Variants in RBM19 observed in about 807,000 individuals in gnomAD.
The protein encoded by RBM19 is probable RNA-binding protein 19.
Under a neutral mutation model 116.8 loss-of-function variants are expected in RBM19, and 94 were observed. The observed-to-expected ratio is 0.80, with a 90% CI of 0.68 to 0.95. The LOEUF (loss-of-function observed/expected upper bound fraction) is 0.95. Among genes scored for constraint, RBM19 ranks in the 40% least tolerant of loss-of-function variants. The pLI, the probability that RBM19 is intolerant of heterozygous loss-of-function variation, is 0.00. For missense variants in RBM19, 1,161 were observed against 1,220.7 expected, an observed-to-expected ratio of 0.95 and a Z score of 0.73; for synonymous variants, 475 against 494.1, an observed-to-expected ratio of 0.96 and a Z score of 0.51.
In RBM19 at chr12:113,928,641, G is replaced by GTGTGTT. The variant is rs529465005; in HGVS notation, c.2069-1413_2069-1412insAACACA. 1.4e-3 allele frequency among the ~76,000 whole-genome samples: 214 copies of GTGTGTT among 150,040 alleles called. 5 individuals are homozygous for GTGTGTT. In the East Asian group the frequency reaches 0.034, roughly 24 times the overall value. On this transcript the variant is annotated intron_variant, in intron 16 of 23. Coordinates refer to ENST00000261741, the MANE Select transcript of RBM19 (RefSeq NM_016196.4). ...TAGCAAGGGATGTGTGTGTGTGTGT[G>GTGTGTT]TGTGTGTGTGTGTGTGTGTGTCTGC...
intron 1 of RBM19, among the ~76,000 whole-genome samples, chr12:113,963,913 C>T (rs1028732752): frequency 6.6e-6 from 1 of 152,250 alleles, no homozygotes; most frequent in Non-Finnish European, 1.5e-5. Context: ...CAGGCCCTGG[C>T]TAACTCCTCA....
chr12:113,875,391 AG>A (rs1879596320), intron 21 of RBM19, among the ~76,000 whole-genome samples: 1 of 152,226 alleles, frequency 6.6e-6, no homozygotes, highest in Non-Finnish European at 1.5e-5. Context: ...CAATTACAAA[AG>A]TTTAGAATTG....
At chr12:113,819,222 C>A (rs1488715021), downstream of RBM19, among the ~76,000 whole-genome samples, 1 of 152,214 alleles carries the variant, frequency 6.6e-6, no homozygotes, top group Non-Finnish European at 1.5e-5. Flanking sequence ...GCTAACTGAG[C>A]CACACTCTGA....
At chr12:113,826,273 T>C (rs1240500137) in intron 23 of RBM19, among the ~76,000 whole-genome samples, 1 of 152,240 alleles carries the variant, frequency 6.6e-6, no homozygotes, top group Admixed American at 6.5e-5. Context: ...GTTTCCACTT[T>C]ATTATCTGTC....
At chr12:113,881,652 TGGAAGAC>T (rs761545119) in intron 21 of RBM19, among the ~76,000 whole-genome samples, 8 of 152,230 alleles carry the variant, frequency 5.3e-5, no homozygotes, top group Non-Finnish European at 1.2e-4. Context: ...GCCCATTTCA[TGGAAGAC>T]GAAACTACGG....
In RBM19 at chr12:113,944,117, T is replaced by TG. The variant is rs1555245462; in HGVS notation, c.1627-1684dup. ...TGTTTTTTTTTTTTTTTTTTTTTTT[T>TG]GGGGCAGACTCTCGCTCTGTCACCT... is the stretch of plus-strand genomic sequence containing the variant. On this transcript the variant is annotated intron_variant, in intron 13 of 23. Coordinates refer to ENST00000261741, the MANE Select transcript of RBM19 (RefSeq NM_016196.4). Among the ~76,000 whole-genome samples the TG allele has an allele frequency of 2.5e-3, 255 of 102,552 alleles. 17 individuals are homozygous for TG. Among genetic ancestry groups the TG allele is most frequent in the East Asian group, 0.024 (46 of 1,884 alleles). The allele number at this position is 102,552 out of a possible 152,430, so 67.3% of individuals were successfully genotyped here.
chr12:113,939,896 T>A, intron 15 of RBM19, 64 bp downstream of exon 15: 1 of 1,553,160 alleles, frequency 6.4e-7, no homozygotes, highest in Non-Finnish European at 8.8e-7. Context: ...CACTGCACCC[T>A]CTCCCTTGAA....
At chr12:113,950,535 C>T (rs1871382167) in intron 8 of RBM19, among the ~76,000 whole-genome samples, 1 of 152,140 alleles carries the variant, frequency 6.6e-6, no homozygotes, top group African/African-American at 2.4e-5. Context: ...AGCACCTTCT[C>T]CACACCCACT....
At chr12:113,880,398 T>C (rs1880019466) in intron 21 of RBM19, among the ~76,000 whole-genome samples, 1 of 152,134 alleles carries the variant, frequency 6.6e-6, no homozygotes, top group Non-Finnish European at 1.5e-5. Flanking sequence ...TAAAGATCCA[T>C]TCGGTAAGTA....
intron 21 of RBM19, among the ~76,000 whole-genome samples, chr12:113,869,375 G>T (rs564746187): frequency 1.3e-5 from 2 of 152,316 alleles, no homozygotes; most frequent in Admixed American, 1.3e-4. Flanking sequence ...CCTTGGGCAG[G>T]GCAAGCCCTT....
intron 21 of RBM19, among the ~76,000 whole-genome samples, chr12:113,883,291 G>A (rs1232221767): frequency 6.6e-6 from 1 of 152,252 alleles, no homozygotes; most frequent in Non-Finnish European, 1.5e-5. Context: ...GCTGGGGGTG[G>A]CCAGTTCTGG....
intron 21 of RBM19, among the ~76,000 whole-genome samples, chr12:113,905,393 T>C (rs1022947095): frequency 6.6e-6 from 1 of 152,050 alleles, no homozygotes; most frequent in African/African-American, 2.4e-5. Flanking sequence ...CAATTGAATA[T>C]CCAAGTGGAA....
chr12:113,958,090 G>A (rs369689624), intron 5 of RBM19, 40 bp from the exon 6 acceptor site: 120 of 1,576,070 alleles, frequency 7.6e-5, no homozygotes, highest in Non-Finnish European at 1.0e-4. Context: ...ACAGCTATGA[G>A]CAAACCAGAG....
At chr12:113,841,233 T>A (rs1320308623) in intron 23 of RBM19, among the ~76,000 whole-genome samples, 2 of 152,242 alleles carry the variant, frequency 1.3e-5, no homozygotes, top group East Asian at 3.9e-4. Flanking sequence ...TATGAGCACA[T>A]GCTGTGCCAA....
rs575047936 is a variant in RBM19, at chr12:113,956,773, C to T, written c.840+1009G>A. Among the ~76,000 whole-genome samples, 7 of 152,178 alleles carry T rather than the reference C, an allele frequency of 4.6e-5. 1 individual carries two copies. Among genetic ancestry groups the T allele is most frequent in the African/African-American group, 1.7e-4 (7 of 41,508 alleles). ...TTTATGATCTCGACTTCAGACCCCA[C>T]AGACCTGGGGCTAAGTCCTGAACCC... On this transcript the variant is annotated intron_variant, in intron 6 of 23. Coordinates refer to ENST00000261741, the MANE Select transcript of RBM19 (RefSeq NM_016196.4).
At chr12:113,834,925 C>T (rs533694579) in intron 23 of RBM19, among the ~76,000 whole-genome samples, 4 of 152,344 alleles carry the variant, frequency 2.6e-5, no homozygotes, top group African/African-American at 9.6e-5. Flanking sequence ...CACCTGATAT[C>T]ACTCTCTGCA....
chr12:113,908,573 CAAAAAAAAAAAAA>C (rs11338829), intron 21 of RBM19, among the ~76,000 whole-genome samples: 23 of 33,228 alleles, frequency 6.9e-4, no homozygotes, highest in African/African-American at 8.9e-4. Flanking sequence ...AAGAAAATAG[CAAAAAAAAAAAAA>C]AAAAAAAAAA....
chr12:113,940,079 A>G lies in RBM19; in HGVS notation c.1819T>C (p.Phe607Leu), dbSNP rs1464787019. 4 of 1,614,082 alleles carry G rather than the reference A, an allele frequency of 2.5e-6. No homozygotes were observed. Among genetic ancestry groups the G allele is most frequent in the Non-Finnish European group, 3.4e-6 (4 of 1,179,980 alleles). ...GTLAAQLQET[F>L]GHFGSLGRVL... The stretch of plus-strand genomic sequence containing the variant: ...CGGCCCAGGCTGCCAAAATGGCCGA[A>G]GGTCTCCTGCAGCTGGGCCGCCAGG... The change falls in exon 15 of 24, where the codon TTC (phenylalanine) becomes CTC (leucine). Residue 607 changes from phenylalanine to leucine, a missense_variant. Transcript: ENST00000261741.
Position 113,960,109 on chromosome 12 carries a change from T to A in RBM19, c.289A>T (p.Ser97Cys). The A allele has an allele frequency of 6.2e-7, 1 of 1,614,212 alleles. No homozygotes were observed. The highest frequency in any genetic ancestry group is 1.7e-4 in the Middle Eastern group (1 of 6,056). The change falls in exon 3 of 24, where the codon AGC becomes TGC. Residue 97 changes from serine (S) to cysteine (C), a missense_variant. By Grantham distance (112) the Ser-to-Cys change is moderately radical. Transcript: ENST00000261741. Reference protein sequence around the residue: ...RAWSKHAQKPSQPKQPPKDST... With the variant: ...RAWSKHAQKPCQPKQPPKDST... ...TCTTTTGGAGGCTGCTTGGGCTGGCTTGGTTTCTGGGCATGTTTGCTCCAG... is the reference window on the plus strand; with the variant it reads ...TCTTTTGGAGGCTGCTTGGGCTGGCATGGTTTCTGGGCATGTTTGCTCCAG...
Sources: allele counts gnomAD v4.1 joint callset (sites outside exome capture counted in the v4.1 genomes callset), GRCh38; gene constraint gnomAD v4.1.1; transcripts MANE v1.5; gene names NCBI Gene and HGNC (gene_info 2026-07-23, HGNC 2026-07-21).